Variants in CATSPERE observed in about 807,000 individuals in gnomAD.
CATSPERE encodes the protein catsper channel auxiliary subunit epsilon, also known as cation channel sperm-associated auxiliary subunit epsilon.
In CATSPERE, 93 loss-of-function variants were observed where a neutral mutation model predicts 114.1. The observed-to-expected ratio is 0.81, with a 90% confidence interval of 0.69 to 0.97. The LOEUF (loss-of-function observed/expected upper bound fraction) is 0.97. Ranked by LOEUF, CATSPERE falls within the 50% of genes least tolerant of loss-of-function variation. The pLI, the probability that CATSPERE is intolerant of heterozygous loss-of-function variation, is 0.00. For synonymous variants in CATSPERE, 341 were observed against 384.1 expected (o/e 0.89, Z 1.31); for missense variants, 1,058 against 1,131.6 (o/e 0.93, Z 0.93).
rs1371085516 is a variant in CATSPERE at position 244,479,797 on chromosome 1, G to C, written c.326+13G>C. The C allele has an allele frequency of 1.4e-6, 2 of 1,423,840 alleles. No individual in the cohort carries two copies. Among genetic ancestry groups the C allele is most frequent in the African/African-American group, 2.9e-5 (2 of 69,796 alleles). 88.2% of individuals were successfully genotyped at this position (1,423,840 alleles called of 1,614,324 possible). A position where few individuals can be genotyped will look rare whatever the true frequency, so the allele number is the denominator to read the frequency against. Reference sequence around the variant, plus strand: ...ACTATAGAGTTAGGTAAGTAATGCAGTACTGAATAGGTAATTATGCTTTTA... The same window carrying C: ...ACTATAGAGTTAGGTAAGTAATGCACTACTGAATAGGTAATTATGCTTTTA... On this transcript the variant is annotated intron_variant, in intron 5 of 21. Coordinates refer to ENST00000366534, the MANE Select transcript of CATSPERE (RefSeq NM_001130957.2).
At chr1:244,516,104 T>C (rs1572506603) in intron 7 of CATSPERE, among the ~76,000 whole-genome samples, 1 of 151,754 alleles carries the variant, frequency 6.6e-6, no homozygotes, top group East Asian at 1.9e-4. Flanking sequence ...GGTTGGGCGA[T>C]CGCTTGAGCC....
intron 20 of CATSPERE, among the ~76,000 whole-genome samples, chr1:244,626,980 C>T (rs1673280670): frequency 6.6e-6 from 1 of 152,214 alleles, no homozygotes; most frequent in African/African-American, 2.4e-5. Flanking sequence ...AGCTTTCAGC[C>T]TGTCTCATCT....
In CATSPERE at chr1:244,629,931, C is replaced by T. The variant is rs541129065; in HGVS notation, c.2649-5558C>T. Among the ~76,000 whole-genome samples, 876 of 152,190 alleles carry T rather than the reference C, an allele frequency of 5.8e-3. 12 individuals are homozygous for T. The highest frequency in any genetic ancestry group is 0.02 in the African/African-American group (848 of 41,518). Reference sequence around the variant, plus strand: ...CTGGGATTACAGGTGTGAGCCACGACACTTGGCCTTGTCTCCTTTATCTTA... The same window carrying T: ...CTGGGATTACAGGTGTGAGCCACGATACTTGGCCTTGTCTCCTTTATCTTA... On this transcript the variant is annotated intron_variant, in intron 20 of 21. Transcript: ENST00000366534.
intron 20 of CATSPERE, among the ~76,000 whole-genome samples, chr1:244,626,485 C>CA (rs35687880): frequency 0.077 from 5,140 of 66,600 alleles, 522 homozygotes; most frequent in African/African-American, 0.26. Flanking sequence ...AATTCCATCT[C>CA]AAAAAAAAAA....
chr1:244,543,572 C>T (rs2148468251), intron 8 of CATSPERE, among the ~76,000 whole-genome samples: 1 of 150,726 alleles, frequency 6.6e-6, no homozygotes, highest in Admixed American at 6.6e-5. Context: ...TATTGTGTAT[C>T]AGGGTGATTA....
chr1:244,496,876 G>T (rs1006335862), intron 6 of CATSPERE, among the ~76,000 whole-genome samples: 1 of 152,116 alleles, frequency 6.6e-6, no homozygotes. Context: ...TCTTGAAAAG[G>T]CAGTCAAGAT....
intron 7 of CATSPERE, among the ~76,000 whole-genome samples, chr1:244,516,903 C>A (rs1194651892): frequency 2.0e-5 from 3 of 152,016 alleles, no homozygotes; most frequent in Non-Finnish European, 4.4e-5. Flanking sequence ...ATAGTCCTAA[C>A]CATGGAAAAG....
intron 7 of CATSPERE, among the ~76,000 whole-genome samples, chr1:244,505,944 T>C (rs989421460): frequency 3.3e-5 from 5 of 152,060 alleles, no homozygotes; most frequent in African/African-American, 1.2e-4. Context: ...AGGCGGAGGT[T>C]GCAGTAAACC....
chr1:244,471,454 TAC>T (rs1668462454), intron 2 of CATSPERE, among the ~76,000 whole-genome samples: 2 of 152,236 alleles, frequency 1.3e-5, no homozygotes, highest in Non-Finnish European at 2.9e-5. Flanking sequence ...TGGCAATGCA[TAC>T]AGTTGCGTTA....
At chr1:244,623,496 A>G (rs1672669014) in intron 20 of CATSPERE, among the ~76,000 whole-genome samples, 1 of 152,198 alleles carries the variant, frequency 6.6e-6, no homozygotes, top group Non-Finnish European at 1.5e-5. Flanking sequence ...TTTGTAGAAA[A>G]GGCAAATTCA....
chr1:244,458,821 T>C (rs1330669404), upstream of CATSPERE, among the ~76,000 whole-genome samples: 1 of 152,134 alleles, frequency 6.6e-6, no homozygotes, highest in Non-Finnish European at 1.5e-5. Flanking sequence ...ATTGGAGAAA[T>C]TGGTTATTTT....
At position 244,540,121 on chromosome 1, in the gene CATSPERE, C is replaced by A. The variant is rs527530545; in HGVS notation, c.537-12201C>A. On this transcript the variant is annotated intron_variant, in intron 8 of 21. Coordinates refer to ENST00000366534, the MANE Select transcript of CATSPERE (RefSeq NM_001130957.2). ...ACAAGACAGGGATGCCCTCTCTCAC[C>A]ACTCCTATTCAACATAGTGTTGGAA... 1.4e-3 allele frequency among the ~76,000 whole-genome samples: 212 copies of A among 151,216 alleles called. 1 individual carries two copies. The highest frequency in any genetic ancestry group is 4.9e-3 in the African/African-American group (201 of 41,194).
At chr1:244,592,455 T>C (rs995895797) in intron 15 of CATSPERE, among the ~76,000 whole-genome samples, 4 of 152,112 alleles carry the variant, frequency 2.6e-5, no homozygotes, top group African/African-American at 9.6e-5. Context: ...TGTCAAAATA[T>C]AGAAGTCCAC....
chr1:244,545,273 C>G (rs1443401169), intron 8 of CATSPERE, among the ~76,000 whole-genome samples: 2 of 152,178 alleles, frequency 1.3e-5, no homozygotes, highest in African/African-American at 4.8e-5. Context: ...CATCTGGCCC[C>G]TCCTATAACC....
chr1:244,551,576 G>T (rs772275662), intron 8 of CATSPERE, among the ~76,000 whole-genome samples: 2 of 152,064 alleles, frequency 1.3e-5, no homozygotes, highest in Non-Finnish European at 2.9e-5. Context: ...TAATTTGAGA[G>T]GTGGAGAGAA....
At chr1:244,543,500 G>T (rs1432902235) in intron 8 of CATSPERE, among the ~76,000 whole-genome samples, 2 of 151,836 alleles carry the variant, frequency 1.3e-5, no homozygotes, top group African/African-American at 4.8e-5. Flanking sequence ...GGTGTGAAAA[G>T]GAGGAAGTAT....
intron 9 of CATSPERE, among the ~76,000 whole-genome samples, chr1:244,559,025 CA>C (rs1421408260): frequency 1.3e-5 from 2 of 152,208 alleles, no homozygotes; most frequent in Admixed American, 1.3e-4. Flanking sequence ...TTGAATGCTT[CA>C]AAAGGATCTC....
At chr1:244,530,608 G>T (rs1679431536) in intron 8 of CATSPERE, among the ~76,000 whole-genome samples, 1 of 152,092 alleles carries the variant, frequency 6.6e-6, no homozygotes, top group South Asian at 2.1e-4. Context: ...GATTGCTTTG[G>T]GTAGTGCAGA....
intron 6 of CATSPERE, 41 bp from the exon 7 acceptor site, chr1:244,498,961 G>A (rs1374176499): frequency 2.7e-6 from 4 of 1,461,916 alleles, no homozygotes; most frequent in Non-Finnish European, 3.8e-6. Flanking sequence ...AAAGAAATTT[G>A]TACAAAATGT....
Sources: allele counts gnomAD v4.1 joint callset (sites outside exome capture counted in the v4.1 genomes callset), GRCh38; gene constraint gnomAD v4.1.1; transcripts MANE v1.5; gene names NCBI Gene and HGNC (gene_info 2026-07-23, HGNC 2026-07-21).